Variants in RBP7 observed in about 807,000 individuals in gnomAD.
The protein encoded by RBP7 is retinoid-binding protein 7.
In RBP7, 13 loss-of-function variants were observed where a neutral mutation model predicts 16.7. The observed-to-expected ratio is 0.78, with a 90% CI of 0.51 to 1.24. The LOEUF is 1.24. Among genes scored for constraint, RBP7 ranks in the 50% most tolerant of loss-of-function variants. The probability of loss-of-function intolerance (pLI) is 0.00; values close to 1 mark genes in which losing one functional copy is unlikely to be tolerated. For synonymous variants in RBP7, 54 were observed against 56.2 expected (o/e 0.96, Z 0.17); for missense variants, 145 against 159.5 (o/e 0.91, Z 0.49).
intron 3 of RBP7, among the ~76,000 whole-genome samples, chr1:10,010,814 C>A (rs1008827850): frequency 2.6e-5 from 4 of 152,092 alleles, no homozygotes; most frequent in African/African-American, 4.8e-5. Flanking sequence ...GAACTCCCGA[C>A]CTCAGGTGAT....
chr1:10,014,926 G>C (rs1165655770), intron 3 of RBP7, among the ~76,000 whole-genome samples: 2 of 152,152 alleles, frequency 1.3e-5, no homozygotes, highest in Non-Finnish European at 2.9e-5. Flanking sequence ...ACTCTGGGTA[G>C]TTAGTGCCCA....
intron 3 of RBP7, among the ~76,000 whole-genome samples, chr1:10,012,460 G>A (rs937786262): frequency 6.6e-6 from 1 of 152,000 alleles, no homozygotes; most frequent in Non-Finnish European, 1.5e-5. Flanking sequence ...ATATGTTTGA[G>A]GATTTAGATT....
At position 10,004,595 on chromosome 1, in the gene RBP7, G is replaced by A. The variant is rs1197342239; in HGVS notation, c.74-2975G>A. On this transcript the variant is annotated intron_variant, in intron 1 of 3. Transcript: ENST00000294435. ...TCTCCATATTGGTCAGGCTGGTCGC[G>A]TTGGTCTGCCCGCCTCGGCCTCCCG... 2.0e-5 allele frequency among the ~76,000 whole-genome samples: 3 copies of A among 151,938 alleles called. No individual in the cohort carries two copies. The East Asian group carries it at 5.8e-4, about 29-fold the overall frequency.
intron 2 of RBP7, 137 bp from the exon 3 acceptor site, chr1:10,008,036 A>C: frequency 1.6e-6 from 1 of 627,140 alleles, no homozygotes; most frequent in Non-Finnish European, 2.8e-6. Flanking sequence ...CCTGGGTGAC[A>C]GAGTGGGACT....
At chr1:10,007,398 G>C (rs1188586459) in intron 1 of RBP7, among the ~76,000 whole-genome samples, 172 bp from the exon 2 acceptor site, 1 of 152,086 alleles carries the variant, frequency 6.6e-6, no homozygotes, top group Non-Finnish European at 1.5e-5. Flanking sequence ...TCAGGCTGTG[G>C]TTGGCAGTTT....
intron 1 of RBP7, among the ~76,000 whole-genome samples, chr1:10,001,337 G>T (rs574085554): frequency 6.6e-6 from 1 of 151,896 alleles, no homozygotes; most frequent in Admixed American, 6.6e-5. Context: ...ATAGGGTCTT[G>T]CTCTGTCGCT....
At chr1:10,006,767 AG>A (rs1642453516) in intron 1 of RBP7, among the ~76,000 whole-genome samples, 1 of 147,638 alleles carries the variant, frequency 6.8e-6, no homozygotes, top group African/African-American at 2.5e-5. Context: ...ATATATATAG[AG>A]AGAGAGAGAG....
chr1:10,015,533 G>C (rs150567412), intron 3 of RBP7, among the ~76,000 whole-genome samples: 4 of 151,560 alleles, frequency 2.6e-5, no homozygotes, highest in Admixed American at 6.6e-5. Context: ...ATGATGGCAC[G>C]TGCCTGCAGT....
intron 1 of RBP7, among the ~76,000 whole-genome samples, chr1:10,006,604 G>T (rs963794962): frequency 4.0e-5 from 6 of 151,564 alleles, no homozygotes; most frequent in African/African-American, 1.2e-4. Context: ...TGAGGCAAGA[G>T]AATTGCTTGA....
intron 3 of RBP7, among the ~76,000 whole-genome samples, chr1:10,012,327 G>T (rs2101739557): frequency 6.6e-6 from 1 of 151,716 alleles, no homozygotes; most frequent in East Asian, 1.9e-4. Flanking sequence ...GTTGCAGTGA[G>T]CCAAGATCAT....
Position 9,997,394 on chromosome 1 carries a change from G to C in RBP7, c.73+63G>C. On this transcript the variant is annotated intron_variant, in intron 1 of 3. Coordinates refer to ENST00000294435, the MANE Select transcript of RBP7 (RefSeq NM_052960.3). The surrounding 1 kb of genome is among the most constrained non-coding windows in gnomAD (Gnocchi z 5.9). ...CCGTGGGTCTCGGGATCAGGCGAAG[G>C]CGGCCGGGCCGGGCCTGTAGGTACG... The C allele has an allele frequency of 6.5e-7, 1 of 1,537,898 alleles. No homozygotes were observed. Among genetic ancestry groups the C allele is most frequent in the Non-Finnish European group, 9.0e-7 (1 of 1,116,986 alleles).
rs1165443701 is a variant in RBP7, at chr1:10,008,441, C to CT, written c.354+168dup. On this transcript the variant is annotated intron_variant, in intron 3 of 3. Coordinates refer to ENST00000294435, the MANE Select transcript of RBP7 (RefSeq NM_052960.3). ...CCAACATGGTGAAACCCCATCTCTA[C>CT]TATTTTTTTTTTTTTTTTGAGATGG... Among the ~76,000 whole-genome samples the CT allele has an allele frequency of 7.1e-3, 958 of 134,982 alleles. 12 individuals carry two copies. Among genetic ancestry groups the CT allele is most frequent in the African/African-American group, 0.03 (926 of 31,146 alleles). 88.6% of individuals were successfully genotyped at this position (134,982 alleles called of 152,430 possible).
rs376904838 is a variant in RBP7 at position 10,006,760 on chromosome 1, T to G, written c.74-810T>G. Among the ~76,000 whole-genome samples the G allele has an allele frequency of 5.2e-3, 764 of 148,270 alleles. 5 individuals are homozygous for G. Among genetic ancestry groups the G allele is most frequent in the African/African-American group, 0.015 (587 of 39,166 alleles). On this transcript the variant is annotated intron_variant, in intron 1 of 3. Coordinates refer to ENST00000294435, the MANE Select transcript of RBP7 (RefSeq NM_052960.3). ...GTGTGTGTGTGTGTGTGTATATATA[T>G]ATATAGAGAGAGAGAGAGAGAGAGG...
At chr1:10,014,780 C>A (rs2101741137) in intron 3 of RBP7, among the ~76,000 whole-genome samples, 1 of 152,204 alleles carries the variant, frequency 6.6e-6, no homozygotes, top group Middle Eastern at 3.4e-3. Flanking sequence ...AATTATCAAG[C>A]CCGAGGAGGG....
In RBP7 at chr1:10,012,173, T is replaced by G. The variant is rs373269744; in HGVS notation, c.355-3609T>G. 8.4e-5 allele frequency among the ~76,000 whole-genome samples: 12 copies of G among 142,346 alleles called. No individual in the cohort carries two copies. The East Asian group carries it at 1.2e-3, about 15-fold the overall frequency. 93.4% of individuals were successfully genotyped at this position (142,346 alleles called of 152,430 possible). On this transcript the variant is annotated intron_variant, in intron 3 of 3. Transcript: ENST00000294435. ...TTACGGTGAGCCGAGATTGCACCAT[T>G]GCACTCCAGCCTGGGCAACAAGAGT...
intron 2 of RBP7, 63 bp from the exon 3 acceptor site, chr1:10,008,110 C>A: frequency 1.9e-6 from 2 of 1,074,820 alleles, no homozygotes; most frequent in Non-Finnish European, 2.8e-6. Context: ...ACTTGGCATT[C>A]TACTTCGTAA....
chr1:9,997,289 C>T lies in RBP7; in HGVS notation c.31C>T (p.Leu11=), dbSNP rs779838183. 14 of 1,611,366 alleles carry T rather than the reference C, an allele frequency of 8.7e-6. No homozygotes were observed. The highest frequency in any genetic ancestry group is 2.2e-5 in the South Asian group (2 of 90,924). The part of the protein sequence containing the change: MPADLSGTWT[L]LSSDNFEGYM... ...CGCCGACCTCAGCGGTACTTGGACCCTGCTCAGCAGCGACAACTTCGAGGG... is the reference window on the plus strand; with the variant it reads ...CGCCGACCTCAGCGGTACTTGGACCTTGCTCAGCAGCGACAACTTCGAGGG... Residue 11 remains leucine, a synonymous_variant, in exon 1 of 4, where the codon CTG becomes TTG. Coordinates refer to ENST00000294435, the MANE Select transcript of RBP7 (RefSeq NM_052960.3). The surrounding 1 kb of genome is among the most constrained non-coding windows in gnomAD (Gnocchi z 5.9).
chr1:10,011,305 A>G (rs1352009306), intron 3 of RBP7, among the ~76,000 whole-genome samples: 2 of 152,208 alleles, frequency 1.3e-5, no homozygotes, highest in African/African-American at 4.8e-5. Context: ...GAGAAGAAAC[A>G]GGGAAGTGAG....
At chr1:10,009,576 C>T (rs1162811474) in intron 3 of RBP7, among the ~76,000 whole-genome samples, 19 of 150,322 alleles carry the variant, frequency 1.3e-4, no homozygotes, top group African/African-American at 3.2e-4. Context: ...GTGTCACCCA[C>T]GCTGGAGTGC....
Sources: allele counts gnomAD v4.1 joint callset (sites outside exome capture counted in the v4.1 genomes callset), GRCh38; gene constraint gnomAD v4.1.1; non-coding constraint Gnocchi (gnomAD v3.1); transcripts MANE v1.5; gene names NCBI Gene and HGNC (gene_info 2026-07-23, HGNC 2026-07-21).